The following HAPLN1 variants were observed in gnomAD, a reference collection of about 807,000 sequenced individuals.
HAPLN1 encodes Cartilage link protein.
HAPLN1 carries 13 observed loss-of-function variants against 36.5 expected under a neutral mutation model. The ratio of observed to expected loss-of-function variants is 0.36; its 90% CI spans 0.23 to 0.57. HAPLN1 has a LOEUF of 0.57. HAPLN1 is among the 20% of genes least tolerant of loss of function. The probability of loss-of-function intolerance (pLI) is 0.83; values close to 1 mark genes in which losing one functional copy is unlikely to be tolerated. For missense variants in HAPLN1, 407 were observed against 439.7 expected (o/e 0.93, Z 0.66); for synonymous variants, 202 against 169.8 (o/e 1.19, Z -1.48).
At chr5:83,675,205 CAA>C (rs540323892) in intron 1 of HAPLN1, 1 of 152,120 alleles carries the variant, frequency 6.6e-6, no homozygotes, top group Admixed American at 6.5e-5. Context: ...TTTGGGTGAA[CAA>C]ATATAAAGGT....
chr5:83,666,281 C>G lies in HAPLN1; in HGVS notation c.100+7143G>C, dbSNP rs547285051. Among the ~76,000 whole-genome samples, 4 of 152,178 alleles carry G rather than the reference C, an allele frequency of 2.6e-5. No homozygotes were observed. The East Asian group carries it at 7.7e-4, about 29-fold the overall frequency. On this transcript the variant is annotated intron_variant, in intron 2 of 4. Coordinates refer to ENST00000274341, the MANE Select transcript of HAPLN1 (RefSeq NM_001884.4). ...TCAGAGAATCAACATGTTGAAATCA[C>G]TGTAATACTAAGCCATTAAGCTATA...
rs952545218 is a variant in HAPLN1 at position 83,720,845 on chromosome 5, G to C, written c.-83C>G. ...TCAAGTTCTGCTTAAGTTGGAAGCT[G>C]GAGATCAAGTGAAGCTAGCGCTCTT... On this transcript the variant is annotated 5_prime_UTR_variant, in exon 1 of 5. Transcript: ENST00000274341. 2.0e-5 allele frequency: 3 copies of C among 152,358 alleles called. No homozygotes were observed. The highest frequency in any genetic ancestry group is 4.4e-5 in the Non-Finnish European group (3 of 68,074). 9.4% of individuals were successfully genotyped at this position (152,358 alleles called of 1,614,324 possible). A position where few individuals can be genotyped will look rare whatever the true frequency, so the allele number is the denominator to read the frequency against.
chr5:83,702,306 C>A (rs904266448), intron 1 of HAPLN1, among the ~76,000 whole-genome samples: 1 of 152,044 alleles, frequency 6.6e-6, no homozygotes, highest in African/African-American at 2.4e-5. Flanking sequence ...GTCAAATATC[C>A]GGTATAAATT....
chr5:83,680,935 T>C (rs966895246), intron 1 of HAPLN1, among the ~76,000 whole-genome samples: 3 of 152,166 alleles, frequency 2.0e-5, no homozygotes, highest in African/African-American at 2.4e-5. Context: ...GGCTAACTCA[T>C]AATTTCTTTG....
rs769027890 is a variant in HAPLN1, at chr5:83,705,583, G to C, written c.-27+15206C>G. Among the ~76,000 whole-genome samples the C allele has an allele frequency of 1.9e-4, 29 of 152,116 alleles. 1 individual carries two copies. Among genetic ancestry groups the C allele is most frequent in the Non-Finnish European group, 8.8e-5 (6 of 68,036 alleles). On this transcript the variant is annotated intron_variant, in intron 1 of 4. Transcript: ENST00000274341. The stretch of plus-strand genomic sequence containing the variant: ...TGGGACACAGCTAAGGCAGTGTTAA[G>C]AGGGAAAGTCATAGCACTAATTTCT...
chr5:83,664,781 C>T (rs1327078469), intron 2 of HAPLN1, among the ~76,000 whole-genome samples: 1 of 151,910 alleles, frequency 6.6e-6, no homozygotes. Flanking sequence ...GAAAAAAGGC[C>T]GAAGTTCAGG....
At chr5:83,712,763 T>A (rs1034604711) in intron 1 of HAPLN1, among the ~76,000 whole-genome samples, 1 of 151,808 alleles carries the variant, frequency 6.6e-6, no homozygotes, top group African/African-American at 2.4e-5. Flanking sequence ...AAAACAAGAA[T>A]TTTTTTTGGT....
chr5:83,656,619 G>A (rs573898723), intron 2 of HAPLN1, among the ~76,000 whole-genome samples: 1 of 152,028 alleles, frequency 6.6e-6, no homozygotes, highest in African/African-American at 2.4e-5. Flanking sequence ...TCCAGTGGGG[G>A]ACTGAAATTT....
chr5:83,662,389 C>G (rs1004066543), intron 2 of HAPLN1, among the ~76,000 whole-genome samples: 7 of 152,142 alleles, frequency 4.6e-5, no homozygotes, highest in Non-Finnish European at 8.8e-5. Flanking sequence ...TCTTTGTCAA[C>G]TTAGAGTTGT....
chr5:83,708,091 C>T (rs62362950), intron 1 of HAPLN1, among the ~76,000 whole-genome samples: 9,928 of 152,228 alleles, frequency 0.065, 413 homozygotes, highest in South Asian at 0.1. Flanking sequence ...TGGAGGAAAG[C>T]GAACACTTAT....
intron 1 of HAPLN1, among the ~76,000 whole-genome samples, chr5:83,700,663 T>C (rs1665560234): frequency 6.8e-6 from 1 of 147,558 alleles, no homozygotes; most frequent in Non-Finnish European, 1.5e-5. Context: ...TTTTTTTTTT[T>C]ACTTTTAGGC....
Position 83,641,692 on chromosome 5 carries a change from C to G in HAPLN1, c.869G>C (p.Gly290Ala). 6.2e-7 allele frequency: 1 copy of G among 1,614,162 alleles called. No homozygotes were observed. The change falls in exon 5 of 5, where the codon GGC (glycine) becomes GCC (alanine). Residue 290 changes from glycine to alanine, a missense_variant. Gly to Ala is a moderately conservative substitution (Grantham distance 60, BLOSUM62 0). Coordinates refer to ENST00000274341, the MANE Select transcript of HAPLN1 (RefSeq NM_001884.4). The part of the protein sequence containing the change: ...LNDGAQIAKV[G>A]QIFAAWKILG... ...AATTTTCCAGGCAGCAAATATCTGG[C>G]CCACTTTTGCAATCTGAGCACCATC...
At chr5:83,720,029 C>G (rs1352856407) in intron 1 of HAPLN1, among the ~76,000 whole-genome samples, 2 of 152,174 alleles carry the variant, frequency 1.3e-5, no homozygotes, top group Non-Finnish European at 2.9e-5. Context: ...TTATTTTGAA[C>G]ACAACAGTCA....
chr5:83,707,415 C>A lies in HAPLN1; in HGVS notation c.-27+13374G>T, dbSNP rs530327187. On this transcript the variant is annotated intron_variant, in intron 1 of 4. Coordinates refer to ENST00000274341, the MANE Select transcript of HAPLN1 (RefSeq NM_001884.4). Reference sequence around the variant, plus strand: ...AGTGCAATGGAACAGAATAGAAAGTCCCCAAACAAGACCACTCACCTATGA... The same window carrying A: ...AGTGCAATGGAACAGAATAGAAAGTACCCAAACAAGACCACTCACCTATGA... Among the ~76,000 whole-genome samples the A allele has an allele frequency of 1.5e-4, 23 of 152,100 alleles. 1 individual carries two copies. The South Asian group carries it at 3.9e-3, about 26-fold the overall frequency.
intron 1 of HAPLN1, among the ~76,000 whole-genome samples, chr5:83,696,529 A>C (rs1417236662): frequency 6.6e-6 from 1 of 152,126 alleles, no homozygotes; most frequent in African/African-American, 2.4e-5. Flanking sequence ...ATTTATAATA[A>C]AGTTATAGTA....
chr5:83,686,338 A>T lies in HAPLN1; in HGVS notation c.-26-12789T>A, dbSNP rs371659235. Among the ~76,000 whole-genome samples, 11 of 152,228 alleles carry T rather than the reference A, an allele frequency of 7.2e-5. No homozygotes were observed. The East Asian group carries it at 9.7e-4, about 13-fold the overall frequency. ...CGAAACAGCTGTTGCTAGAGGTGAA[A>T]AGGTAGAAGAGGGAACAAGACCAGC... On this transcript the variant is annotated intron_variant, in intron 1 of 4. Coordinates refer to ENST00000274341, the MANE Select transcript of HAPLN1 (RefSeq NM_001884.4).
chr5:83,685,489 T>G (rs1389623665), intron 1 of HAPLN1, among the ~76,000 whole-genome samples: 1 of 152,192 alleles, frequency 6.6e-6, no homozygotes, highest in Non-Finnish European at 1.5e-5. Flanking sequence ...ACTCATTGAA[T>G]AAATCATCAC....
intron 2 of HAPLN1, among the ~76,000 whole-genome samples, chr5:83,660,792 C>G (rs553067042): frequency 6.6e-6 from 1 of 152,218 alleles, no homozygotes; most frequent in Non-Finnish European, 1.5e-5. Flanking sequence ...TGTCACTTAA[C>G]CTTTCTGTAC....
At chr5:83,680,917 A>C (rs1390113127) in intron 1 of HAPLN1, among the ~76,000 whole-genome samples, 2 of 152,182 alleles carry the variant, frequency 1.3e-5, no homozygotes, top group Non-Finnish European at 2.9e-5. Flanking sequence ...CAGTACTGCC[A>C]CTTCTCAGGC....
Sources: allele counts gnomAD v4.1 joint callset (sites outside exome capture counted in the v4.1 genomes callset), GRCh38; gene constraint gnomAD v4.1.1; transcripts MANE v1.5; gene names NCBI Gene and HGNC (gene_info 2026-07-23, HGNC 2026-07-21).